Variants in MYO1H observed in about 807,000 individuals in gnomAD.
The protein encoded by MYO1H is unconventional myosin-Ih.
A neutral mutation model predicts 149.3 loss-of-function variants in MYO1H; 118 were observed. The observed-to-expected ratio is 0.79, with a 90% CI of 0.68 to 0.92. MYO1H has a LOEUF of 0.92. Among genes scored for constraint, MYO1H ranks in the 40% least tolerant of loss-of-function variants. The pLI, the probability that MYO1H is intolerant of heterozygous loss-of-function variation, is 0.00. For missense variants in MYO1H, 1,212 were observed against 1,280.7 expected (o/e 0.95, Z 0.82); for synonymous variants, 447 against 465.2 (o/e 0.96, Z 0.50).
the MYO1H span, among the ~76,000 whole-genome samples, chr12:109,321,149 A>G: frequency 1.3e-5 from 2 of 152,320 alleles, no homozygotes; most frequent in South Asian, 4.1e-4. Context: ...ATAAAAATTA[A>G]AGACTTATGT....
intron 19 of MYO1H, among the ~76,000 whole-genome samples, chr12:109,430,264 G>C (rs1056662980): frequency 6.6e-6 from 1 of 152,128 alleles, no homozygotes; most frequent in Non-Finnish European, 1.5e-5. Flanking sequence ...TCACGGGATC[G>C]AGCTGGAGAT....
chr12:109,440,656 AGT>A (rs1872076935), intron 24 of MYO1H, 86 bp from the exon 25 acceptor site: 1 of 898,052 alleles, frequency 1.1e-6, no homozygotes, highest in Non-Finnish European at 1.8e-6. Context: ...TGAATTCAGC[AGT>A]GTTTTTTTAA....
chr12:109,408,423 C>T (rs150146396), intron 10 of MYO1H, among the ~76,000 whole-genome samples: 53 of 152,294 alleles, frequency 3.5e-4, no homozygotes, highest in African/African-American at 9.9e-4. Flanking sequence ...CATCTTCCCA[C>T]TGCTGCCTTC....
chr12:109,314,523 G>T, the MYO1H span, among the ~76,000 whole-genome samples: 6 of 152,152 alleles, frequency 3.9e-5, no homozygotes, highest in African/African-American at 1.4e-4. Context: ...CAGCCCTCTA[G>T]GAAAAGGGCT....
chr12:109,438,158 A>C (rs1439144985), intron 22 of MYO1H, among the ~76,000 whole-genome samples: 3 of 151,496 alleles, frequency 2.0e-5, no homozygotes, highest in Non-Finnish European at 2.9e-5. Flanking sequence ...TTGCTTGTGT[A>C]CCCCAATTTT....
At chr12:109,335,603 GT>G in the MYO1H span, among the ~76,000 whole-genome samples, 2 of 151,938 alleles carry the variant, frequency 1.3e-5, no homozygotes, top group African/African-American at 4.8e-5. Context: ...TATTTTGCCA[GT>G]TTTCAAAAAT....
chr12:109,405,515 T>A (rs953633656), intron 7 of MYO1H, among the ~76,000 whole-genome samples: 1 of 152,152 alleles, frequency 6.6e-6, no homozygotes, highest in Non-Finnish European at 1.5e-5. Context: ...TTCACCATGT[T>A]GGCCAGATGG....
the MYO1H span, among the ~76,000 whole-genome samples, chr12:109,336,122 A>G: frequency 6.6e-6 from 1 of 152,100 alleles, no homozygotes; most frequent in Non-Finnish European, 1.5e-5. Flanking sequence ...TTCAAGTGAC[A>G]CAGCAGTCAA....
At chr12:109,446,256 G>A in intron 31 of MYO1H, 4 of 985,424 alleles carry the variant, frequency 4.1e-6, no homozygotes, top group Non-Finnish European at 4.8e-6. Flanking sequence ...TGCCCATGCT[G>A]GGCTGAGGGT....
intron 7 of MYO1H, among the ~76,000 whole-genome samples, chr12:109,404,345 G>A (rs776369129): frequency 2.6e-5 from 4 of 152,154 alleles, no homozygotes; most frequent in Admixed American, 6.5e-5. Flanking sequence ...AACCAGGCGC[G>A]GTGGCAGGCA....
Position 109,381,010 on chromosome 12 carries a change from CATAAT to C in MYO1H, c.13-7669_13-7665del, listed in dbSNP as rs552904257. On this transcript the variant is annotated intron_variant, in intron 1 of 31. Coordinates refer to ENST00000310903, the Ensembl canonical transcript of MYO1H. ...TAAATTGATAGAATCAGAATAAACT[CATAAT>C]ATATTTTATTTTTAAAATGCTTTCT... 1.5e-3 allele frequency among the ~76,000 whole-genome samples: 221 copies of C among 152,186 alleles called. 1 individual carries two copies. Among genetic ancestry groups the C allele is most frequent in the African/African-American group, 5.1e-3 (213 of 41,508 alleles).
chr12:109,360,565 C>A (rs1317565010), intron 1 of MYO1H, among the ~76,000 whole-genome samples: 1 of 152,160 alleles, frequency 6.6e-6, no homozygotes, highest in Non-Finnish European at 1.5e-5. Flanking sequence ...AGTTTTCTAA[C>A]TTCTCAAGCA....
intron 6 of MYO1H, among the ~76,000 whole-genome samples, chr12:109,402,116 A>T (rs1870193324): frequency 6.6e-6 from 1 of 152,208 alleles, no homozygotes; most frequent in Non-Finnish European, 1.5e-5. Context: ...ACCACCTTAC[A>T]GAAATAGTTC....
At chr12:109,323,303 A>G in the MYO1H span, among the ~76,000 whole-genome samples, 2 of 152,228 alleles carry the variant, frequency 1.3e-5, no homozygotes, top group Admixed American at 1.3e-4. Flanking sequence ...TCTTTGTAAT[A>G]CACATTGAAA....
chr12:109,437,804 C>G (rs1306065446), intron 22 of MYO1H, among the ~76,000 whole-genome samples: 1 of 151,974 alleles, frequency 6.6e-6, no homozygotes, highest in Non-Finnish European at 1.5e-5. Context: ...AATTGGGAAA[C>G]AGGCCAGGCA....
chr12:109,334,175 C>G, the MYO1H span, among the ~76,000 whole-genome samples: 19 of 152,032 alleles, frequency 1.2e-4, no homozygotes, highest in Admixed American at 3.9e-4. Flanking sequence ...CACTACCACG[C>G]CCAGCTAATT....
chr12:109,371,213 CT>C (rs34350111), intron 1 of MYO1H, among the ~76,000 whole-genome samples: 6,043 of 118,256 alleles, frequency 0.051, 238 homozygotes, highest in African/African-American at 0.18. Context: ...TTTTTTCTTT[CT>C]TTTTTTTTTT....
chr12:109,419,104 T>C (rs1329971181), intron 15 of MYO1H, among the ~76,000 whole-genome samples: 2 of 152,254 alleles, frequency 1.3e-5, no homozygotes, highest in African/African-American at 2.4e-5. Context: ...AGTGTCTCCT[T>C]TGGGGGGACC....
In MYO1H at chr12:109,407,923, C is replaced by T. The variant is rs376123769; in HGVS notation, c.1155+10C>T. The T allele has an allele frequency of 1.2e-4, 201 of 1,613,776 alleles. 2 individuals carry two copies. The East Asian group carries it at 2.4e-3, about 19-fold the overall frequency. On this transcript the variant is annotated intron_variant, in intron 10 of 31. Transcript: ENST00000310903. ...CTCCTTAGTTAACAAGGTTGGTCAA[C>T]GCATTTTGGATCCCTTGCTCTTGCT...
Sources: gnomAD v4.1 joint callset for allele counts (sites outside exome capture counted in the v4.1 genomes callset) on GRCh38, gnomAD v4.1.1 for gene constraint, MANE v1.5 for transcripts, NCBI Gene and HGNC (gene_info 2026-07-23, HGNC 2026-07-21) for gene names.